VAV2: variants seen among roughly 807,000 people sequenced by gnomAD.
The protein encoded by VAV2 is vav guanine nucleotide exchange factor 2, also known as guanine nucleotide exchange factor VAV2.
VAV2 carries 67 observed loss-of-function variants against 132.5 expected under a neutral mutation model. That is an observed-to-expected ratio of 0.51 (90% CI 0.42 to 0.62). The LOEUF is 0.62. Among genes scored for constraint, VAV2 ranks in the 20% least tolerant of loss-of-function variants. The probability of loss-of-function intolerance (pLI) is 0.00; values close to 1 mark genes in which losing one functional copy is unlikely to be tolerated. For synonymous variants in VAV2, 492 were observed against 443.5 expected, an observed-to-expected ratio of 1.11 and a Z score of -1.37; for missense variants, 938 against 1,153.6, an observed-to-expected ratio of 0.81 and a Z score of 2.71.
intron 12 of VAV2, among the ~76,000 whole-genome samples, chr9:133,793,137 C>T (rs778992368): frequency 2.0e-5 from 3 of 152,170 alleles, no homozygotes; most frequent in Non-Finnish European, 2.9e-5. Flanking sequence ...CACTCCGGCG[C>T]CTGCCTGCCG....
intron 15 of VAV2, among the ~76,000 whole-genome samples, chr9:133,787,697 C>A (rs1380274996): frequency 6.6e-6 from 1 of 150,742 alleles, no homozygotes; most frequent in African/African-American, 2.4e-5. Context: ...AACCAGACAG[C>A]CAGCCAGCAA....
rs527711676 is a variant in VAV2 at position 133,806,242 on chromosome 9, C to T, written c.736-61G>A. The T allele has an allele frequency of 2.7e-5, 42 of 1,528,482 alleles. 1 individual carries two copies. Among genetic ancestry groups the T allele is most frequent in the South Asian group, 3.5e-5 (3 of 84,848 alleles). 94.7% of individuals were successfully genotyped at this position (1,528,482 alleles called of 1,614,324 possible). On this transcript the variant is annotated intron_variant, in intron 8 of 29. Coordinates refer to ENST00000371850, the MANE Select transcript of VAV2 (RefSeq NM_001134398.2). Reference sequence around the variant, plus strand: ...CCCACCCAAGGCTAGACGGGAGCGCCGCCCTTAAAGTGCCCTTGTTGTTCT... The same window carrying T: ...CCCACCCAAGGCTAGACGGGAGCGCTGCCCTTAAAGTGCCCTTGTTGTTCT...
In VAV2 at chr9:133,918,452, G is replaced by A. The variant is rs74700854; in HGVS notation, c.321+20651C>T. Among the ~76,000 whole-genome samples the A allele has an allele frequency of 0.022, 3,207 of 146,586 alleles. 103 individuals are homozygous for A. Among genetic ancestry groups the A allele is most frequent in the East Asian group, 0.13 (634 of 4,758 alleles). On this transcript the variant is annotated intron_variant, in intron 2 of 29. Transcript: ENST00000371850. The surrounding 1 kb of genome is among the most constrained non-coding windows in gnomAD (Gnocchi z 4.7). ...CCCAGGCCAGGGGCCCTGGAAAGGC[G>A]GCAGACTCCTTCTCGGTGGCACCCA...
Position 133,941,612 on chromosome 9 carries a change from G to A in VAV2, c.205-2393C>T, listed in dbSNP as rs1357278134. Among the ~76,000 whole-genome samples the A allele has an allele frequency of 3.3e-4, 4 of 12,302 alleles. No homozygotes were observed. The South Asian group carries it at 0.016, about 49-fold the overall frequency. 8.1% of individuals were successfully genotyped at this position (12,302 alleles called of 152,430 possible). On this transcript the variant is annotated intron_variant, in intron 1 of 29. Coordinates refer to ENST00000371850, the MANE Select transcript of VAV2 (RefSeq NM_001134398.2). The stretch of plus-strand genomic sequence containing the variant: ...CTGTGTGAGTCCACTTTTTTTTGGG[G>A]GGGGGGGGGGACGGAATTTCGCCCT...
At chr9:133,806,255 C>T (rs930257249) in intron 8 of VAV2, 74 bp from the exon 9 acceptor site, 11 of 1,442,456 alleles carry the variant, frequency 7.6e-6, no homozygotes, top group Admixed American at 5.9e-5. Flanking sequence ...CCTTAAAGTG[C>T]CCTTGTTGTT....
intron 7 of VAV2, 141 bp downstream of exon 7, chr9:133,808,899 G>T: frequency 1.4e-6 from 1 of 737,410 alleles, no homozygotes. Flanking sequence ...TGGAGGCAGA[G>T]CTGGGAGGGC....
chr9:133,802,084 G>A lies in VAV2; in HGVS notation c.836+3997C>T, dbSNP rs1834949524. On this transcript the variant is annotated intron_variant, in intron 9 of 29. Coordinates refer to ENST00000371850, the MANE Select transcript of VAV2 (RefSeq NM_001134398.2). This position sits in a 1 kb window ranked among gnomAD's most constrained non-coding sequence, Gnocchi z 5.8. ...CACCTGCCACATACCAGGCAGCATG[G>A]GCCACAGAGTCCCCAGGGGGCACAG... Among the ~76,000 whole-genome samples the A allele has an allele frequency of 6.6e-6, 1 of 152,014 alleles. No individual in the cohort carries two copies. Among genetic ancestry groups the A allele is most frequent in the Non-Finnish European group, 1.5e-5 (1 of 68,010 alleles).
At position 133,768,623 on chromosome 9, in the gene VAV2, A is replaced by G; in HGVS notation, c.2435-27T>C. 4.4e-6 allele frequency: 7 copies of G among 1,608,114 alleles called. No homozygotes were observed. Among genetic ancestry groups the G allele is most frequent in the Non-Finnish European group, 5.9e-6 (7 of 1,177,380 alleles). ...TGTTGAGGGAGATGGGCAGCATCAC[A>G]CAGCTGCAGGAGGAGCCCAACCAGT... On this transcript the variant is annotated intron_variant, in intron 28 of 29. Transcript: ENST00000371850. This position sits in a 1 kb window ranked among gnomAD's most constrained non-coding sequence, Gnocchi z 5.3.
At chr9:133,964,022 C>CAT (rs10541639) in intron 1 of VAV2, among the ~76,000 whole-genome samples, 31,136 of 93,398 alleles carry the variant, frequency 0.33, 5,147 homozygotes, top group East Asian at 0.48. Context: ...ATTATTCATT[C>CAT]ATATATATAT....
intron 20 of VAV2, 52 bp downstream of exon 20, chr9:133,780,642 A>C: frequency 8.7e-7 from 1 of 1,155,758 alleles, no homozygotes; most frequent in Non-Finnish European, 1.1e-6. Flanking sequence ...CTGCGCACAC[A>C]GGGATGTGGC....
intron 19 of VAV2, among the ~76,000 whole-genome samples, chr9:133,782,545 T>G (rs1263018392): frequency 6.6e-6 from 1 of 152,190 alleles, no homozygotes; most frequent in Non-Finnish European, 1.5e-5. Context: ...CAGTAAATGG[T>G]GAATTAACCA....
At chr9:133,872,210 C>T (rs9657700) in intron 2 of VAV2, among the ~76,000 whole-genome samples, 28,833 of 151,964 alleles carry the variant, frequency 0.19, 3,558 homozygotes, top group African/African-American at 0.36. Flanking sequence ...GTGACCTGGC[C>T]GACCCCAAGA....
chr9:133,872,837 AGGGGGTG>A (rs946482059), intron 2 of VAV2, among the ~76,000 whole-genome samples: 1 of 152,000 alleles, frequency 6.6e-6, no homozygotes, highest in African/African-American at 2.4e-5. Context: ...AAAGCACACA[AGGGGGTG>A]GCTCACGCCT....
At chr9:133,906,901 G>C (rs760273511) in intron 2 of VAV2, among the ~76,000 whole-genome samples, 1 of 152,102 alleles carries the variant, frequency 6.6e-6, no homozygotes, top group Non-Finnish European at 1.5e-5. Flanking sequence ...CCCTCGCCCC[G>C]TCCCATCCCT....
chr9:133,777,604 G>C, intron 22 of VAV2, 141 bp from the exon 23 acceptor site: 2 of 808,056 alleles, frequency 2.5e-6, no homozygotes, highest in Non-Finnish European at 3.9e-6. Context: ...AACCTCAGCT[G>C]ACCCGGCAGC....
intron 1 of VAV2, among the ~76,000 whole-genome samples, chr9:133,949,195 C>T (rs1278740184): frequency 6.6e-6 from 1 of 152,196 alleles, no homozygotes; most frequent in Admixed American, 6.5e-5. Flanking sequence ...TAGAGGAAGC[C>T]CTCCAAGTCA....
chr9:133,923,216 G>A (rs1014430838), intron 2 of VAV2, among the ~76,000 whole-genome samples: 1 of 152,166 alleles, frequency 6.6e-6, no homozygotes, highest in Admixed American at 6.6e-5. Flanking sequence ...TGGAGAAATG[G>A]GAGCCCCGCT....
chr9:133,990,393 GAGCCAAGCCACCTGCCAC>G (rs1346916487), intron 1 of VAV2, among the ~76,000 whole-genome samples: 1 of 152,142 alleles, frequency 6.6e-6, no homozygotes, highest in Admixed American at 6.5e-5. Flanking sequence ...TGCAGGAGCT[GAGCCAAGCCACCTGCCAC>G]AGCCACGGCC....
intron 1 of VAV2, among the ~76,000 whole-genome samples, chr9:133,958,311 C>T (rs1411319483): frequency 2.1e-5 from 3 of 143,892 alleles, no homozygotes; most frequent in East Asian, 2.0e-4. Context: ...GGTATAAAAC[C>T]GGATTGTACG....
Sources: gnomAD v4.1 joint callset for allele counts (sites outside exome capture counted in the v4.1 genomes callset) on GRCh38, gnomAD v4.1.1 for gene constraint, Gnocchi (gnomAD v3.1) non-coding constraint, MANE v1.5 for transcripts, NCBI Gene and HGNC (gene_info 2026-07-23, HGNC 2026-07-21) for gene names.